Variants in SYNE1 observed in about 807,000 individuals in gnomAD.
SYNE1 encodes spectrin repeat containing nuclear envelope protein 1.
A neutral mutation model predicts 1,111.0 loss-of-function variants in SYNE1; 616 were observed. The observed-to-expected ratio is 0.55, with a 90% CI of 0.52 to 0.59. SYNE1 has a LOEUF of 0.59. Ranked by LOEUF, SYNE1 falls within the 20% of genes least tolerant of loss-of-function variation. SYNE1 has a pLI of 0.00. For missense variants in SYNE1, 10,006 were observed against 10,417.0 expected (o/e 0.96, Z 1.72); for synonymous variants, 3,855 against 3,825.8 (o/e 1.01, Z -0.28).
intron 75 of SYNE1, 27 bp downstream of exon 75, chr6:152,339,214 A>G: frequency 6.2e-7 from 1 of 1,611,480 alleles, no homozygotes; most frequent in Non-Finnish European, 8.5e-7. Flanking sequence ...AAACAAACAA[A>G]TTCAATGTGA....
intron 99 of SYNE1, among the ~76,000 whole-genome samples, chr6:152,268,535 C>A (rs1455517141): frequency 6.6e-6 from 1 of 152,002 alleles, no homozygotes; most frequent in East Asian, 1.9e-4. Context: ...TTTTTAAGTT[C>A]TCCACTTAAT....
intron 132 of SYNE1, 161 bp from the exon 133 acceptor site, chr6:152,155,203 G>C: frequency 1.4e-6 from 1 of 725,156 alleles, no homozygotes; most frequent in Non-Finnish European, 2.3e-6. Flanking sequence ...GAGCAAGAGA[G>C]ACAACTGCTT....
Position 152,466,030 on chromosome 6 carries a change from G to A in SYNE1, c.1681C>T (p.Gln561Ter), listed in dbSNP as rs1196269915. Reference protein sequence around the residue: ...KFFEQYEVTYQILKQTAEMYV... With the variant: ...KFFEQYEVTY ...ATCTCAGCTGTCTGTTTCAAGATCT[G>A]GTATGTCACCTCATATTGTTCAAAG... The change falls in exon 17 of 146, where the codon CAG becomes TAG. Residue 561 changes from glutamine (Q) to a stop codon, truncating the protein, a stop_gained. Transcript: ENST00000367255. LOFTEE classifies it high-confidence loss of function. The A allele has an allele frequency of 6.2e-7, 1 of 1,612,678 alleles. No individual in the cohort carries two copies. Among genetic ancestry groups the A allele is most frequent in the Non-Finnish European group, 8.5e-7 (1 of 1,179,110 alleles).
intron 93 of SYNE1, among the ~76,000 whole-genome samples, chr6:152,299,038 C>G (rs1218506215): frequency 7.2e-5 from 11 of 152,066 alleles, no homozygotes; most frequent in South Asian, 4.1e-4. Context: ...GTTTTAGGAC[C>G]TGATGAAGCT....
rs773802693 is a variant in SYNE1 at position 152,329,825 on chromosome 6, T to C, written c.14860A>G (p.Lys4954Glu). ...TCCGCAGAAATCAGCTCCTTGGCCTTTGTGAACTTCTCCTTTTCCTTGTGA... is the reference window on the plus strand; with the variant it reads ...TCCGCAGAAATCAGCTCCTTGGCCTCTGTGAACTTCTCCTTTTCCTTGTGA... ...LSHKEKEKFT[K>E]AKELISADLE... Residue 4954 changes from lysine to glutamate, a missense_variant, in exon 78 of 146, where the codon AAG (lysine) becomes GAG (glutamate). Lys to Glu is a moderately conservative substitution (Grantham distance 56). Coordinates refer to ENST00000367255, the MANE Select transcript of SYNE1 (RefSeq NM_182961.4). The C allele has an allele frequency of 6.2e-7, 1 of 1,614,170 alleles. No individual in the cohort carries two copies. The highest frequency in any genetic ancestry group is 8.5e-7 in the Non-Finnish European group (1 of 1,180,016).
chr6:152,135,731 C>T (rs1319472682), intron 141 of SYNE1, among the ~76,000 whole-genome samples: 1 of 152,132 alleles, frequency 6.6e-6, no homozygotes, highest in Non-Finnish European at 1.5e-5. Context: ...GTTTAGGTAC[C>T]CGCTTTCAAG....
intron 3 of SYNE1, among the ~76,000 whole-genome samples, chr6:152,599,544 G>GT (rs576596286): frequency 3.2e-4 from 48 of 152,272 alleles, no homozygotes; most frequent in Non-Finnish European, 3.7e-4. Context: ...ATACATCAGG[G>GT]TTTTTTGCCT....
At chr6:152,508,891 C>T (rs2154336115) in intron 8 of SYNE1, among the ~76,000 whole-genome samples, 1 of 152,328 alleles carries the variant, frequency 6.6e-6, no homozygotes, top group East Asian at 1.9e-4. Context: ...ACAACATAAA[C>T]TAGCAACACT....
chr6:152,147,021 C>T (rs2059623932), intron 137 of SYNE1: 1 of 152,422 alleles, frequency 6.6e-6, no homozygotes, highest in Non-Finnish European at 1.5e-5. Flanking sequence ...AAACTCATCC[C>T]CTCCCTGCTC....
At chr6:152,289,840 A>G (rs969286217) in intron 95 of SYNE1, among the ~76,000 whole-genome samples, 1 of 149,598 alleles carries the variant, frequency 6.7e-6, no homozygotes, top group Non-Finnish European at 1.5e-5. Flanking sequence ...GTTAGCCAGG[A>G]TGGTCGCGAT....
rs2071523363 is a variant in SYNE1, at chr6:152,189,383, A to G, written c.23170T>C (p.Trp7724Arg). ...CKELENAVGSWTDDLTQLSLL... is the reference protein window; with the variant it reads ...CKELENAVGSRTDDLTQLSLL... ...CTCAACTGGGTCAAGTCATCTGTCCAGCTCCCAACTGCATTTTCTAATTCC... is the reference window on the plus strand; with the variant it reads ...CTCAACTGGGTCAAGTCATCTGTCCGGCTCCCAACTGCATTTTCTAATTCC... The change falls in exon 128 of 146, where the codon TGG (tryptophan) becomes CGG (arginine). Residue 7724 changes from tryptophan to arginine, a missense_variant. This residue lies in a region of SYNE1 where 2,182 missense variants were observed against 2,287.8 expected (regional missense o/e 0.95). Transcript: ENST00000367255. 1 of 1,613,982 alleles carries G rather than the reference A, an allele frequency of 6.2e-7. No individual in the cohort carries two copies. The highest frequency in any genetic ancestry group is 1.3e-5 in the African/African-American group (1 of 74,902).
chr6:152,399,913 A>G, intron 47 of SYNE1, 90 bp from the exon 48 acceptor site: 1 of 1,419,616 alleles, frequency 7.0e-7, no homozygotes, highest in South Asian at 1.2e-5. Flanking sequence ...ACAATCTGAA[A>G]TTGACATTGT....
At chr6:152,604,781 C>G (rs1216745292) in intron 3 of SYNE1, among the ~76,000 whole-genome samples, 4 of 150,348 alleles carry the variant, frequency 2.7e-5, no homozygotes, top group African/African-American at 9.8e-5. Flanking sequence ...TCCCACTGTC[C>G]CTACAAAAAA....
chr6:152,421,458 C>A (rs563729917), intron 39 of SYNE1, among the ~76,000 whole-genome samples: 1 of 151,992 alleles, frequency 6.6e-6, no homozygotes, highest in South Asian at 2.1e-4. Context: ...ATAAGTTGAT[C>A]CTACTGTGAT....
rs569295493 is a variant in SYNE1 at position 152,428,102 on chromosome 6, A to T, written c.4976+103T>A. ...TTTCCTACAGTAGACCCACAAGTTC[A>T]CGTCTTTTGCATCTGGGATAACTAC... On this transcript the variant is annotated intron_variant, in intron 37 of 145. Coordinates refer to ENST00000367255, the MANE Select transcript of SYNE1 (RefSeq NM_182961.4). 3.4e-4 allele frequency: 505 copies of T among 1,485,688 alleles called. 1 individual carries two copies. Among genetic ancestry groups the T allele is most frequent in the Non-Finnish European group, 4.0e-4 (435 of 1,076,240 alleles). 92.0% of individuals were successfully genotyped at this position (1,485,688 alleles called of 1,614,324 possible).
At chr6:152,575,371 G>C (rs190056683) in intron 3 of SYNE1, among the ~76,000 whole-genome samples, 14 of 152,274 alleles carry the variant, frequency 9.2e-5, no homozygotes, top group Admixed American at 3.3e-4. Context: ...ACTAGAGATG[G>C]AGCTTCCTGG....
intron 3 of SYNE1, among the ~76,000 whole-genome samples, chr6:152,558,948 C>T (rs530523840): frequency 6.6e-5 from 10 of 151,768 alleles, no homozygotes; most frequent in African/African-American, 2.4e-4. Flanking sequence ...ATATATTAGA[C>T]CACAAAACAA....
chr6:152,290,699 G>C (rs1266485067), intron 95 of SYNE1, among the ~76,000 whole-genome samples: 1 of 152,126 alleles, frequency 6.6e-6, no homozygotes, highest in African/African-American at 2.4e-5. Flanking sequence ...ATACTTCCAA[G>C]AGAGTGTTGG....
intron 95 of SYNE1, among the ~76,000 whole-genome samples, chr6:152,289,688 G>A (rs1342097498): frequency 1.3e-5 from 2 of 152,010 alleles, no homozygotes; most frequent in Non-Finnish European, 2.9e-5. Context: ...GTGCGGTGGC[G>A]CAATCTCGGT....
Sources: gnomAD v4.1 joint callset for allele counts (sites outside exome capture counted in the v4.1 genomes callset) on GRCh38, gnomAD v4.1.1 for gene constraint, gnomAD v4.1.1 regional missense constraint, MANE v1.5 for transcripts, NCBI Gene and HGNC (gene_info 2026-07-23, HGNC 2026-07-21) for gene names.